PABPC4L: variants seen among roughly 807,000 people sequenced by gnomAD.
The protein encoded by PABPC4L is poly(A) binding protein cytoplasmic 4 like.
For missense variants in PABPC4L, 452 were observed against 451.4 expected (o/e 1.00, Z -0.01); for synonymous variants, 169 against 164.1 (o/e 1.03, Z -0.23).
At chr4:134,022,343 A>C in the PABPC4L span, among the ~76,000 whole-genome samples, 1 of 152,248 alleles carries the variant, frequency 6.6e-6, no homozygotes. Context: ...TAACATCCCC[A>C]AAATCTTCAG....
the PABPC4L span, among the ~76,000 whole-genome samples, chr4:133,977,429 G>GT: frequency 1.3e-5 from 2 of 152,006 alleles, no homozygotes; most frequent in East Asian, 1.9e-4. Context: ...TTTTTAAATA[G>GT]TTTTTTTCTA....
rs777868251 is a variant in PABPC4L at position 134,200,410 on chromosome 4, C to G, written c.610G>C (p.Glu204Gln). The G allele has an allele frequency of 6.4e-7, 1 of 1,557,236 alleles. No homozygotes were observed. Among genetic ancestry groups the G allele is most frequent in the South Asian group, 1.2e-5 (1 of 84,508 alleles). The change falls in exon 2 of 2, where the codon GAG (glutamate) becomes CAG (glutamine). Residue 204 changes from glutamate to glutamine, a missense_variant. Coordinates refer to ENST00000421491, the MANE Select transcript of PABPC4L (RefSeq NM_001114734.2). ...IKNFGGDMDD[E>Q]RLKDVFSKYG... ...TTGCTGAAAACGTCCTTCAATCTCT[C>G]ATCATCCATGTCACCTCCAAAGTTT...
chr4:134,145,909 A>G, the PABPC4L span, among the ~76,000 whole-genome samples: 1 of 152,030 alleles, frequency 6.6e-6, no homozygotes. Flanking sequence ...CTGAATAGTG[A>G]AAAAATTATT....
At chr4:134,171,558 A>T in the PABPC4L span, among the ~76,000 whole-genome samples, 1 of 152,130 alleles carries the variant, frequency 6.6e-6, no homozygotes, top group Admixed American at 6.5e-5. Flanking sequence ...ACCAACAGCC[A>T]ACATCATACT....
At chr4:133,987,663 T>C in the PABPC4L span, among the ~76,000 whole-genome samples, 1 of 152,108 alleles carries the variant, frequency 6.6e-6, no homozygotes, top group African/African-American at 2.4e-5. Context: ...AATACAAACA[T>C]AGGAGTAAAA....
At chr4:134,048,564 G>C in the PABPC4L span, among the ~76,000 whole-genome samples, 512 of 152,178 alleles carry the variant, frequency 3.4e-3, 3 homozygotes, top group Admixed American at 7.2e-3. Flanking sequence ...TAATAGCTTT[G>C]TGTGTCAATT....
the PABPC4L span, among the ~76,000 whole-genome samples, chr4:134,170,031 C>A: frequency 2.0e-5 from 3 of 152,048 alleles, no homozygotes; most frequent in Non-Finnish European, 4.4e-5. Flanking sequence ...TTTTCTTTCT[C>A]CTTCCACACT....
At chr4:134,097,665 C>T in the PABPC4L span, among the ~76,000 whole-genome samples, 1 of 151,766 alleles carries the variant, frequency 6.6e-6, no homozygotes, top group Non-Finnish European at 1.5e-5. Context: ...AGGTGTCTGG[C>T]ATCCTTCTCA....
In PABPC4L at chr4:134,200,278, C is replaced by G; in HGVS notation, c.742G>C (p.Glu248Gln). 6.4e-7 allele frequency: 1 copy of G among 1,566,040 alleles called. No individual in the cohort carries two copies. Among genetic ancestry groups the G allele is most frequent in the East Asian group, 2.4e-5 (1 of 42,142 alleles). Residue 248 changes from glutamate (E) to glutamine (Q), a missense_variant, in exon 2 of 2, where the codon GAA becomes CAA. Glu to Gln is a conservative substitution (Grantham distance 29, BLOSUM62 2). Transcript: ENST00000421491. ...DSHEAAKKAV[E>Q]EMNGRDINGQ... Reference sequence around the variant, plus strand: ...TTTATGTCCCTTCCATTCATTTCTTCAACAGCTTTCTTGGCAGCCTCATGG... The same window carrying G: ...TTTATGTCCCTTCCATTCATTTCTTGAACAGCTTTCTTGGCAGCCTCATGG...
the PABPC4L span, among the ~76,000 whole-genome samples, chr4:134,131,584 G>A: frequency 6.6e-6 from 1 of 151,580 alleles, no homozygotes; most frequent in Non-Finnish European, 1.5e-5. Flanking sequence ...GCTCATGGAT[G>A]GGTAGAATCA....
the PABPC4L span, among the ~76,000 whole-genome samples, chr4:134,186,861 C>T: frequency 1.3e-5 from 2 of 152,028 alleles, no homozygotes; most frequent in Admixed American, 1.3e-4. Flanking sequence ...AATCAAACAA[C>T]CCCATCAAAA....
the PABPC4L span, among the ~76,000 whole-genome samples, chr4:134,008,468 A>G: frequency 4.6e-5 from 7 of 151,772 alleles, no homozygotes; most frequent in South Asian, 2.1e-4. Context: ...TTAAAAAAAA[A>G]CCTAAATAAC....
the PABPC4L span, among the ~76,000 whole-genome samples, chr4:133,953,033 C>T: frequency 2.0e-5 from 3 of 152,104 alleles, no homozygotes; most frequent in Admixed American, 6.6e-5. Context: ...CTTCTGGTTC[C>T]ACCCTCAAGT....
the PABPC4L span, among the ~76,000 whole-genome samples, chr4:133,971,400 C>T: frequency 6.6e-6 from 1 of 152,026 alleles, no homozygotes; most frequent in African/African-American, 2.4e-5. Flanking sequence ...CGTGAGCCAC[C>T]GCGCCCGGCC....
At chr4:133,952,851 A>G in the PABPC4L span, among the ~76,000 whole-genome samples, 8 of 152,076 alleles carry the variant, frequency 5.3e-5, no homozygotes, top group Non-Finnish European at 7.4e-5. Flanking sequence ...GTGACCACTT[A>G]ATTTGTTCTG....
At chr4:134,090,999 C>T in the PABPC4L span, among the ~76,000 whole-genome samples, 5 of 151,956 alleles carry the variant, frequency 3.3e-5, no homozygotes, top group Admixed American at 3.3e-4. Context: ...TCTCATTTTT[C>T]CATATTACTT....
At chr4:134,138,536 T>C in the PABPC4L span, among the ~76,000 whole-genome samples, 5 of 151,826 alleles carry the variant, frequency 3.3e-5, no homozygotes, top group African/African-American at 1.2e-4. Flanking sequence ...TTTGGGACTT[T>C]TTCACCTAAT....
At chr4:134,124,519 G>A in the PABPC4L span, among the ~76,000 whole-genome samples, 1 of 151,966 alleles carries the variant, frequency 6.6e-6, no homozygotes, top group Admixed American at 6.6e-5. Context: ...CCCTGTCTGT[G>A]TGCATACTCC....
At chr4:134,001,076 G>A in the PABPC4L span, among the ~76,000 whole-genome samples, 10 of 151,946 alleles carry the variant, frequency 6.6e-5, no homozygotes, top group Non-Finnish European at 1.0e-4. Context: ...GAGAGGTTAC[G>A]TAACGTTTTC....
Sources: gnomAD v4.1 joint callset for allele counts (sites outside exome capture counted in the v4.1 genomes callset) on GRCh38, gnomAD v4.1.1 for gene constraint, MANE v1.5 for transcripts, NCBI Gene and HGNC (gene_info 2026-07-23, HGNC 2026-07-21) for gene names.